CDH8: variants seen among roughly 807,000 people sequenced by gnomAD.
The protein encoded by CDH8 is cadherin-8.
CDH8 carries 17 observed loss-of-function variants against 68.1 expected under a neutral mutation model. The observed-to-expected ratio is 0.25, with a 90% CI of 0.17 to 0.37. The LOEUF (loss-of-function observed/expected upper bound fraction) is 0.37, where lower values mean the gene tolerates loss of function less well. Ranked by LOEUF, CDH8 falls within the 10% of genes least tolerant of loss-of-function variation. The pLI, the probability that CDH8 is intolerant of heterozygous loss-of-function variation, is 1.00. For missense variants in CDH8, 763 were observed against 999.3 expected (o/e 0.76, Z 3.19); for synonymous variants, 372 against 365.1 (o/e 1.02, Z -0.21).
intron 4 of CDH8, among the ~76,000 whole-genome samples, chr16:61,854,158 A>C (rs1449772328): frequency 1.4e-5 from 2 of 147,616 alleles, no homozygotes; most frequent in Non-Finnish European, 3.0e-5. Flanking sequence ...ACACACACAC[A>C]CTGCAGAAGA....
intron 10 of CDH8, among the ~76,000 whole-genome samples, chr16:61,676,281 G>T (rs1963909117): frequency 1.3e-5 from 2 of 148,720 alleles, no homozygotes; most frequent in Admixed American, 1.3e-4. Context: ...TGCTAGGGTG[G>T]TTATACTAAT....
At chr16:61,930,305 ACC>A (rs199962573) in intron 2 of CDH8, among the ~76,000 whole-genome samples, 1 of 150,720 alleles carries the variant, frequency 6.6e-6, no homozygotes, top group East Asian at 2.0e-4. Context: ...ACACACACAC[ACC>A]CCTATGTATA....
intron 10 of CDH8, among the ~76,000 whole-genome samples, chr16:61,681,859 C>T (rs1964018293): frequency 6.6e-6 from 1 of 151,902 alleles, no homozygotes; most frequent in South Asian, 2.1e-4. Flanking sequence ...ATACTGTGCA[C>T]GAGTTGAATG....
rs111810927 is a variant in CDH8, at chr16:61,662,742, C to T, written c.1655-7021G>A. Among the ~76,000 whole-genome samples, 122 of 151,810 alleles carry T rather than the reference C, an allele frequency of 8.0e-4. 2 individuals carry two copies. Among genetic ancestry groups the T allele is most frequent in the African/African-American group, 2.5e-3 (102 of 41,458 alleles). ...TATAAGTAATCTAGAGGTGGTTAGA[C>T]GTATATGGTAGGATGTACATAGAGT... On this transcript the variant is annotated intron_variant, in intron 10 of 11. Coordinates refer to ENST00000577390, the MANE Select transcript of CDH8 (RefSeq NM_001796.5).
In CDH8 at chr16:61,919,024, C is replaced by G. The variant is rs535954673; in HGVS notation, c.253-17551G>C. On this transcript the variant is annotated intron_variant, in intron 2 of 11. Coordinates refer to ENST00000577390, the MANE Select transcript of CDH8 (RefSeq NM_001796.5). ...TCCCTGACCCTGACCCCCGAGCAGC[C>G]TAACTGGGAGGCACCCCCCAGCAGG... 3.4e-5 allele frequency among the ~76,000 whole-genome samples: 5 copies of G among 147,488 alleles called. 1 individual carries two copies. The highest frequency in any genetic ancestry group is 4.5e-4 in the East Asian group (2 of 4,490).
intron 2 of CDH8, among the ~76,000 whole-genome samples, chr16:61,975,780 G>A (rs1965424195): frequency 6.6e-6 from 1 of 152,076 alleles, no homozygotes; most frequent in Non-Finnish European, 1.5e-5. Context: ...TTTTTAAGGG[G>A]AAAATGATAG....
At chr16:61,985,413 G>C (rs1301929993) in intron 2 of CDH8, among the ~76,000 whole-genome samples, 1 of 152,166 alleles carries the variant, frequency 6.6e-6, no homozygotes, top group Non-Finnish European at 1.5e-5. Flanking sequence ...CACATATATA[G>C]AGCATTTCCA....
At chr16:61,836,785 TCTC>T (rs1338766838) in intron 4 of CDH8, among the ~76,000 whole-genome samples, 2 of 151,952 alleles carry the variant, frequency 1.3e-5, no homozygotes, top group African/African-American at 4.8e-5. Context: ...CTGTCATGCT[TCTC>T]CTGGTTTTTC....
chr16:61,843,969 TTC>T (rs1288958978), intron 4 of CDH8, among the ~76,000 whole-genome samples: 4 of 152,064 alleles, frequency 2.6e-5, no homozygotes, highest in African/African-American at 9.7e-5. Context: ...TGATTTGCAT[TTC>T]TCTGAGTATG....
chr16:61,896,075 C>A (rs1482557528), intron 3 of CDH8, among the ~76,000 whole-genome samples: 1 of 151,880 alleles, frequency 6.6e-6, no homozygotes, highest in African/African-American at 2.4e-5. Flanking sequence ...CCCCAATACA[C>A]AAAAACAATC....
chr16:61,757,211 C>A (rs1383417577), intron 8 of CDH8, among the ~76,000 whole-genome samples: 1 of 152,006 alleles, frequency 6.6e-6, no homozygotes, highest in Non-Finnish European at 1.5e-5. Context: ...ACTGCAAAGC[C>A]AAGCCTTAAA....
At chr16:61,735,318 A>G (rs1018363552) in intron 8 of CDH8, among the ~76,000 whole-genome samples, 3 of 152,136 alleles carry the variant, frequency 2.0e-5, no homozygotes, top group Non-Finnish European at 4.4e-5. Flanking sequence ...ATTCATGACT[A>G]ACTAAAATAA....
intron 2 of CDH8, among the ~76,000 whole-genome samples, chr16:61,962,366 A>G (rs1965169749): frequency 6.6e-6 from 1 of 152,008 alleles, no homozygotes; most frequent in South Asian, 2.1e-4. Context: ...GGTGTGGGGG[A>G]AGTGGGGCAG....
chr16:61,997,123 A>T (rs1965818914), intron 2 of CDH8, among the ~76,000 whole-genome samples: 2 of 152,144 alleles, frequency 1.3e-5, no homozygotes, highest in African/African-American at 4.8e-5. Flanking sequence ...TAAAAAAGTC[A>T]TAAAGTCATA....
intron 7 of CDH8, 27 bp downstream of exon 7, chr16:61,817,452 C>T (rs374093874): frequency 1.9e-6 from 3 of 1,611,412 alleles, no homozygotes; most frequent in South Asian, 2.2e-5. Flanking sequence ...TTTGCAGTAG[C>T]CAGTATTCCT....
intron 8 of CDH8, among the ~76,000 whole-genome samples, chr16:61,744,447 T>G (rs8049813): frequency 0.069 from 10,553 of 152,114 alleles, 1,063 homozygotes; most frequent in African/African-American, 0.22. Context: ...TTCAATCATC[T>G]CAGTCTCTAT....
At chr16:61,669,535 G>C (rs1226320524) in intron 10 of CDH8, among the ~76,000 whole-genome samples, 2 of 152,032 alleles carry the variant, frequency 1.3e-5, no homozygotes, top group Admixed American at 6.6e-5. Flanking sequence ...GGAACAGATA[G>C]ATAGTTCGGT....
At chr16:61,969,758 C>A (rs2150576037) in intron 2 of CDH8, among the ~76,000 whole-genome samples, 1 of 152,188 alleles carries the variant, frequency 6.6e-6, no homozygotes, top group Non-Finnish European at 1.5e-5. Flanking sequence ...GAAAATAAAT[C>A]CAGTGTATGG....
intron 2 of CDH8, among the ~76,000 whole-genome samples, chr16:62,000,824 T>C (rs192039964): frequency 4.6e-5 from 7 of 152,328 alleles, no homozygotes; most frequent in Non-Finnish European, 8.8e-5. Context: ...GTGTTTGTAG[T>C]AGTATTACTA....
Sources: allele counts gnomAD v4.1 joint callset (sites outside exome capture counted in the v4.1 genomes callset), GRCh38; gene constraint gnomAD v4.1.1; transcripts MANE v1.5; gene names NCBI Gene and HGNC (gene_info 2026-07-23, HGNC 2026-07-21).